The following CHRNA2 variants were observed in gnomAD, a reference collection of about 807,000 sequenced individuals.
The protein encoded by CHRNA2 is cholinergic receptor nicotinic alpha 2 subunit.
A neutral mutation model predicts 45.5 loss-of-function variants in CHRNA2; 40 were observed. The ratio of observed to expected loss-of-function variants is 0.88; its 90% CI spans 0.68 to 1.15. The LOEUF (loss-of-function observed/expected upper bound fraction) is 1.15. Among genes scored for constraint, CHRNA2 ranks in the 50% most tolerant of loss-of-function variants. The probability of loss-of-function intolerance (pLI) is 0.00; values close to 1 mark genes in which losing one functional copy is unlikely to be tolerated. For synonymous variants in CHRNA2, 301 were observed against 296.7 expected (o/e 1.01, Z -0.15); for missense variants, 655 against 701.7 (o/e 0.93, Z 0.75).
At chr8:27,469,513 A>G in intron 3 of CHRNA2, 134 bp from the exon 4 acceptor site, 1 of 993,936 alleles carries the variant, frequency 1.0e-6, no homozygotes, top group South Asian at 1.4e-5. Flanking sequence ...CCCACTCTGA[A>G]ACCTGCCACC....
intron 2 of CHRNA2, 116 bp from the exon 3 acceptor site, chr8:27,470,097 G>T: frequency 1.0e-6 from 1 of 984,916 alleles, no homozygotes; most frequent in Non-Finnish European, 1.6e-6. Flanking sequence ...AGATGATAAT[G>T]TCTATCAGAG....
At chr8:27,475,951 T>G (rs1175586025) in intron 1 of CHRNA2, among the ~76,000 whole-genome samples, 1 of 152,144 alleles carries the variant, frequency 6.6e-6, no homozygotes, top group East Asian at 1.9e-4. Context: ...GTTCCAGGTG[T>G]TCAGAGCTAC....
chr8:27,478,933 G>A lies in CHRNA2; in HGVS notation c.-246C>T, dbSNP rs532801733. The stretch of plus-strand genomic sequence containing the variant: ...CCCCAGAAATAGAGTGGCAGGTACA[G>A]AATAGAGCTCAGTCACTTCATTTCA... On this transcript the variant is annotated 5_prime_UTR_variant, in exon 1 of 7. Coordinates refer to ENST00000407991, the MANE Select transcript of CHRNA2 (RefSeq NM_000742.4). 1.3e-5 allele frequency: 2 copies of A among 152,292 alleles called. No homozygotes were observed. Among genetic ancestry groups the A allele is most frequent in the South Asian group, 4.1e-4 (2 of 4,820 alleles). The allele number at this position is 152,292 out of a possible 1,614,324, so 9.4% of individuals were successfully genotyped here. A position where few individuals can be genotyped will look rare whatever the true frequency, so the allele number is the denominator to read the frequency against.
intron 6 of CHRNA2, among the ~76,000 whole-genome samples, chr8:27,462,610 C>G (rs1004817640): frequency 1.3e-5 from 2 of 152,256 alleles, no homozygotes; most frequent in African/African-American, 4.8e-5. Context: ...AGCTGACTTT[C>G]TGGGTCTCTC....
Position 27,466,512 on chromosome 8 carries a change from C to T in CHRNA2, c.449+717G>A, listed in dbSNP as rs180849219. ...TTGACCACAGAACCCTTTTTCATAC[C>T]TATTTATAACTCAAAGAAGCCATGC... On this transcript the variant is annotated intron_variant, in intron 5 of 6. Coordinates refer to ENST00000407991, the MANE Select transcript of CHRNA2 (RefSeq NM_000742.4). Among the ~76,000 whole-genome samples the T allele has an allele frequency of 4.2e-3, 635 of 152,228 alleles. 5 individuals are homozygous for T. Among genetic ancestry groups the T allele is most frequent in the South Asian group, 0.02 (96 of 4,816 alleles).
In CHRNA2 at chr8:27,469,963, C is replaced by A. The variant is rs776191995; in HGVS notation, c.92G>T (p.Arg31Leu). The A allele has an allele frequency of 1.2e-6, 2 of 1,613,518 alleles. No homozygotes were observed. The highest frequency in any genetic ancestry group is 1.7e-6 in the Non-Finnish European group (2 of 1,179,908). ...GTCTCCAGGAGCCCTGGGAGGTGGG[C>A]GCTTAGCTTCCTCTCCACCTGCCAT... ...LTPAGGEEAK[R>L]PPPRAPGDPL... Residue 31 changes from arginine to leucine, a missense_variant, in exon 3 of 7, where the codon CGC (arginine) becomes CTC (leucine). Physicochemically the swap from Arg to Leu is moderately radical, Grantham distance 102. This residue lies in a region of CHRNA2 where 323 missense variants were observed against 354.4 expected (regional missense o/e 0.91). Coordinates refer to ENST00000407991, the MANE Select transcript of CHRNA2 (RefSeq NM_000742.4).
chr8:27,463,910 A>C lies in CHRNA2; in HGVS notation c.533T>G (p.Ile178Ser). The C allele has an allele frequency of 6.2e-7, 1 of 1,614,176 alleles. No individual in the cohort carries two copies. The highest frequency in any genetic ancestry group is 1.1e-5 in the South Asian group (1 of 91,080). Residue 178 changes from isoleucine to serine, a missense_variant, in exon 6 of 7, where the codon ATC becomes AGC. Ile to Ser is a moderately radical substitution (Grantham distance 142). Transcript: ENST00000407991. This position sits in a 1 kb window ranked among gnomAD's most constrained non-coding sequence, Gnocchi z 6.1. ...GTCGATGCTGCAGGAGCTCTTGTAG[A>C]TGGCCGGGGGCACCCAGTGCACAGT... ...TGTVHWVPPA[I>S]YKSSCSIDVT...
At position 27,463,069 on chromosome 8, in the gene CHRNA2, A is replaced by C. The variant is rs976672656; in HGVS notation, c.1374T>G (p.Gly458=). The change falls in exon 6 of 7, where the codon GGT becomes GGG. Residue 458 remains glycine (G), a synonymous_variant. Coordinates refer to ENST00000407991, the MANE Select transcript of CHRNA2 (RefSeq NM_000742.4). The surrounding 1 kb of genome is among the most constrained non-coding windows in gnomAD (Gnocchi z 6.1). ...GPKAEALLQE[G]ELLLSPHMQK... is the part of the protein sequence containing the mutation. ...GCATGTGGGGTGATAGCAGCAGCTC[A>C]CCCTCCTGCAGCAGAGCCTCAGCCT... The C allele has an allele frequency of 5.7e-5, 92 of 1,612,404 alleles. No homozygotes were observed. The highest frequency in any genetic ancestry group is 7.8e-5 in the Non-Finnish European group (92 of 1,178,872).
Position 27,468,902 on chromosome 8 carries a change from G to A in CHRNA2, c.339+433C>T, listed in dbSNP as rs988304229. Among the ~76,000 whole-genome samples the A allele has an allele frequency of 3.9e-5, 6 of 152,230 alleles. No homozygotes were observed. In the South Asian group the frequency reaches 1.2e-3, roughly 32 times the overall value. On this transcript the variant is annotated intron_variant, in intron 4 of 6. Coordinates refer to ENST00000407991, the MANE Select transcript of CHRNA2 (RefSeq NM_000742.4). ...ATTTGGGTGGCAGTATAGGTATTAA[G>A]CACTCAGCGTTCTCCCATAGAAGGA... is the stretch of plus-strand genomic sequence containing the variant.
At chr8:27,462,658 A>C (rs1812532108) in intron 6 of CHRNA2, among the ~76,000 whole-genome samples, 1 of 152,200 alleles carries the variant, frequency 6.6e-6, no homozygotes, top group Admixed American at 6.5e-5. Context: ...CCTCCAAGGC[A>C]ATGGTGGGAG....
In CHRNA2 at chr8:27,472,592, T is replaced by C. The variant is rs1188452905; in HGVS notation, c.-136-1398A>G. The stretch of plus-strand genomic sequence containing the variant: ...TGTATGATCCTACTGATATGGAATA[T>C]GCAGAATAGGCAAATCTATAGAAAC... On this transcript the variant is annotated intron_variant, in intron 1 of 6. Coordinates refer to ENST00000407991, the MANE Select transcript of CHRNA2 (RefSeq NM_000742.4). Among the ~76,000 whole-genome samples the C allele has an allele frequency of 7.2e-5, 11 of 152,188 alleles. No individual in the cohort carries two copies. In the East Asian group the frequency reaches 1.9e-3, roughly 27 times the overall value.
At chr8:27,477,432 T>C (rs1813095025) in intron 1 of CHRNA2, among the ~76,000 whole-genome samples, 1 of 152,112 alleles carries the variant, frequency 6.6e-6, no homozygotes, top group Non-Finnish European at 1.5e-5. Flanking sequence ...TTTTTCTCCA[T>C]TAGTGAGAAT....
At chr8:27,462,909 T>G (rs1812541760) in intron 6 of CHRNA2, 70 bp downstream of exon 6, 2 of 1,599,432 alleles carry the variant, frequency 1.3e-6, no homozygotes, top group Non-Finnish European at 1.7e-6. Flanking sequence ...GCTCACACTC[T>G]GCGGTAAGGT....
Position 27,469,888 on chromosome 8 carries a change from G to C in CHRNA2, c.167C>G (p.Thr56Ser). The C allele has an allele frequency of 6.2e-7, 1 of 1,614,206 alleles. No homozygotes were observed. Among genetic ancestry groups the C allele is most frequent in the Non-Finnish European group, 8.5e-7 (1 of 1,180,042 alleles). ...TTTGAAGAGCCGGTCCTCAGTCTCGGTATGCGAGCCTCCCTGCGGCAATGC... is the reference window on the plus strand; with the variant it reads ...TTTGAAGAGCCGGTCCTCAGTCTCGCTATGCGAGCCTCCCTGCGGCAATGC... ...PTALPQGGSH[T>S]ETEDRLFKHL... The change falls in exon 3 of 7, where the codon ACC becomes AGC. Residue 56 changes from threonine (T) to serine (S), a missense_variant. Thr to Ser is a moderately conservative substitution (Grantham distance 58, BLOSUM62 1). Around this residue, in one of 3 missense-constraint regions of CHRNA2, gnomAD observed 323 missense variants for 354.4 expected, o/e 0.91. Coordinates refer to ENST00000407991, the MANE Select transcript of CHRNA2 (RefSeq NM_000742.4).
At position 27,461,550 on chromosome 8, in the gene CHRNA2, C is replaced by T; in HGVS notation, c.*79G>A. The stretch of plus-strand genomic sequence containing the variant: ...AGGCACCTGCTCATCCCAAAGGGGA[C>T]ACCAGAGGCAGCTGTAGCAGAGACG... On this transcript the variant is annotated 3_prime_UTR_variant, in exon 7 of 7. Transcript: ENST00000407991. 3.1e-6 allele frequency: 5 copies of T among 1,601,730 alleles called. No homozygotes were observed. The highest frequency in any genetic ancestry group is 4.3e-6 in the Non-Finnish European group (5 of 1,170,570).
intron 4 of CHRNA2, 31 bp from the exon 5 acceptor site, chr8:27,467,369 C>G: frequency 6.4e-7 from 1 of 1,552,264 alleles, no homozygotes. Context: ...GTGTCAACCT[C>G]GCTTCCAGGG....
intron 4 of CHRNA2, among the ~76,000 whole-genome samples, chr8:27,468,434 G>A (rs563482220): frequency 1.3e-5 from 2 of 152,344 alleles, no homozygotes; most frequent in African/African-American, 2.4e-5. Context: ...ACCTAAGCGG[G>A]ATCTGTGCGC....
chr8:27,476,362 G>A (rs942300649), intron 1 of CHRNA2, among the ~76,000 whole-genome samples: 1 of 152,206 alleles, frequency 6.6e-6, no homozygotes, highest in Non-Finnish European at 1.5e-5. Context: ...AGTTCCCTGA[G>A]GCATCCTTTC....
Position 27,463,230 on chromosome 8 carries a change from C to G in CHRNA2, c.1213G>C (p.Glu405Gln). Reference sequence around the variant, plus strand: ...CTCTCCTCGGCATCCACGTTGCTCTCCAGCCAGTGATAAGAGGGGCTGAGC... The same window carrying G: ...CTCTCCTCGGCATCCACGTTGCTCTGCAGCCAGTGATAAGAGGGGCTGAGC... ...LKLSPSYHWLESNVDAEEREV... is the reference protein window; with the variant it reads ...LKLSPSYHWLQSNVDAEEREV... The change falls in exon 6 of 7, where the codon GAG (glutamate) becomes CAG (glutamine). Residue 405 changes from glutamate to glutamine, a missense_variant. Around this residue, in one of 3 missense-constraint regions of CHRNA2, gnomAD observed 295 missense variants for 280.4 expected, o/e 1.05. Transcript: ENST00000407991. This position sits in a 1 kb window ranked among gnomAD's most constrained non-coding sequence, Gnocchi z 6.1. The G allele has an allele frequency of 6.3e-7, 1 of 1,592,534 alleles. No individual in the cohort carries two copies. Among genetic ancestry groups the G allele is most frequent in the Non-Finnish European group, 8.6e-7 (1 of 1,166,488 alleles).
Sources: allele counts gnomAD v4.1 joint callset (sites outside exome capture counted in the v4.1 genomes callset), GRCh38; gene constraint gnomAD v4.1.1; regional missense constraint gnomAD v4.1.1; non-coding constraint Gnocchi (gnomAD v3.1); transcripts MANE v1.5; gene names NCBI Gene and HGNC (gene_info 2026-07-23, HGNC 2026-07-21).